The following RAB33A variants were observed in gnomAD, a reference collection of about 807,000 sequenced individuals.
RAB33A encodes RAB33A, member RAS oncogene family.
In RAB33A, 6 loss-of-function variants were observed where a neutral mutation model predicts 12.0. That is an observed-to-expected ratio of 0.50 (90% CI 0.27 to 0.99). The LOEUF is 0.99. Ranked by LOEUF, RAB33A falls within the 50% of genes least tolerant of loss-of-function variation. The pLI, the probability that RAB33A is intolerant of heterozygous loss-of-function variation, is 0.11. For missense variants in RAB33A, 109 were observed against 192.0 expected, an observed-to-expected ratio of 0.57 and a Z score of 2.55; for synonymous variants, 70 against 82.4, an observed-to-expected ratio of 0.85 and a Z score of 0.81.
intron 1 of RAB33A, among the ~76,000 whole-genome samples, chrX:130,181,678 G>C (rs1350471988): frequency 1.8e-5 from 2 of 112,293 alleles, no homozygotes; most frequent in African/African-American, 6.5e-5. Context: ...ATTGGAGGCT[G>C]GGCATGGTGG....
At chrX:130,113,071 TTC>T in the RAB33A span, among the ~76,000 whole-genome samples, 2 of 82,800 alleles carry the variant, frequency 2.4e-5, no homozygotes, top group Non-Finnish European at 4.5e-5. Context: ...TTTTTTTTTT[TTC>T]CTTCTTTTTT....
chrX:130,141,753 C>T, the RAB33A span, among the ~76,000 whole-genome samples: 6 of 111,993 alleles, frequency 5.4e-5, no homozygotes, highest in Non-Finnish European at 1.1e-4. Flanking sequence ...TGGAACCTGG[C>T]TCATACTTTT....
chrX:130,124,540 G>T, the RAB33A span, among the ~76,000 whole-genome samples: 1 of 111,715 alleles, frequency 9.0e-6, no homozygotes, highest in African/African-American at 3.3e-5. Flanking sequence ...ACTAGGTAAG[G>T]TCTTCAGAAA....
At chrX:130,147,645 C>G in the RAB33A span, 1 of 1,211,782 alleles carries the variant, frequency 8.3e-7, no homozygotes, top group Non-Finnish European at 1.1e-6. Flanking sequence ...AAAATCATGA[C>G]GCTTATCAGA....
the RAB33A span, among the ~76,000 whole-genome samples, chrX:130,143,231 T>C: frequency 8.9e-6 from 1 of 111,784 alleles, no homozygotes; most frequent in Non-Finnish European, 1.9e-5. Context: ...GATTCTCAGC[T>C]CTCTATCTGA....
chrX:130,140,627 T>G, the RAB33A span: 1 of 1,158,650 alleles, frequency 8.6e-7, no homozygotes, highest in Non-Finnish European at 1.2e-6. Context: ...CCTGGTACAG[T>G]CACACACATA....
the RAB33A span, among the ~76,000 whole-genome samples, chrX:130,148,307 A>C: frequency 9.0e-6 from 1 of 111,345 alleles, no homozygotes; most frequent in African/African-American, 3.3e-5. Context: ...ATTATCATAC[A>C]ATGTTCAAGA....
chrX:130,115,485 C>T, the RAB33A span, among the ~76,000 whole-genome samples: 2 of 111,012 alleles, frequency 1.8e-5, no homozygotes, highest in African/African-American at 3.3e-5. Flanking sequence ...TGGTGGTGGG[C>T]GCCTGTAATC....
the RAB33A span, among the ~76,000 whole-genome samples, chrX:130,150,991 A>G: frequency 1.9e-5 from 2 of 104,439 alleles, no homozygotes; most frequent in Non-Finnish European, 3.9e-5. Context: ...AAAAAAAAAA[A>G]AAAAGAAAAG....
chrX:130,121,969 G>A, the RAB33A span, among the ~76,000 whole-genome samples: 74 of 112,232 alleles, frequency 6.6e-4, no homozygotes, highest in African/African-American at 2.0e-3. Context: ...TGCCACTGAA[G>A]GGACAAGTGT....
the RAB33A span, chrX:130,165,660 G>A: frequency 6.7e-6 from 8 of 1,186,660 alleles, no homozygotes; most frequent in South Asian, 1.1e-4. Context: ...GGAACATTTC[G>A]GCGACCGCTA....
At chrX:130,113,281 C>T in the RAB33A span, among the ~76,000 whole-genome samples, 4 of 108,177 alleles carry the variant, frequency 3.7e-5, no homozygotes, top group African/African-American at 1.3e-4. Flanking sequence ...CAGGGGTTCA[C>T]TGTGTTAGTC....
At chrX:130,147,970 T>G in the RAB33A span, 1 of 1,089,320 alleles carries the variant, frequency 9.2e-7, no homozygotes, top group Non-Finnish European at 1.3e-6. Context: ...CTTGTCTCAA[T>G]CCTCCACATA....
chrX:130,173,724 G>T (rs1436180612), intron 1 of RAB33A, among the ~76,000 whole-genome samples: 1 of 111,969 alleles, frequency 8.9e-6, no homozygotes, highest in Non-Finnish European at 1.9e-5. Context: ...GTCAAAGGCG[G>T]TATCTGTCTC....
the RAB33A span, among the ~76,000 whole-genome samples, chrX:130,127,388 A>G: frequency 1.8e-5 from 2 of 111,152 alleles, no homozygotes; most frequent in African/African-American, 6.6e-5. Flanking sequence ...AGCAGTGGCT[A>G]TGTTTTATCT....
upstream of RAB33A, among the ~76,000 whole-genome samples, chrX:130,170,501 C>T (rs2031593383): frequency 8.9e-6 from 1 of 112,239 alleles, no homozygotes; most frequent in South Asian, 3.7e-4. Flanking sequence ...CAAATGGGTG[C>T]ACTTTATCGT....
the RAB33A span, chrX:130,156,688 C>T: frequency 2.9e-6 from 3 of 1,021,425 alleles, no homozygotes; most frequent in African/African-American, 5.6e-5. Context: ...ATGCACTGTA[C>T]AAGACTTATT....
upstream of RAB33A, among the ~76,000 whole-genome samples, chrX:130,168,930 G>A (rs1456466811): frequency 1.8e-5 from 2 of 110,473 alleles, no homozygotes; most frequent in African/African-American, 6.6e-5. Flanking sequence ...ATTCCAGGCC[G>A]GGCACGGTGG....
the RAB33A span, chrX:130,130,023 C>A: frequency 8.3e-7 from 1 of 1,211,736 alleles, no homozygotes; most frequent in Non-Finnish European, 1.1e-6. Flanking sequence ...ATCCCCACGA[C>A]CACTTTGTCC....
Sources: gnomAD v4.1 joint callset for allele counts (sites outside exome capture counted in the v4.1 genomes callset) on GRCh38, gnomAD v4.1.1 for gene constraint, MANE v1.5 for transcripts, NCBI Gene and HGNC (gene_info 2026-07-23, HGNC 2026-07-21) for gene names.